The following ZNF683 variants were observed in gnomAD, a reference collection of about 807,000 sequenced individuals.
ZNF683 encodes the protein zinc finger protein 683, also known as tissue-resident T-cell transcription regulator protein ZNF683.
A neutral mutation model predicts 31.4 loss-of-function variants in ZNF683; 20 were observed. That is an observed-to-expected ratio of 0.64 (90% confidence interval 0.45 to 0.93). The LOEUF (loss-of-function observed/expected upper bound fraction) is 0.93. Ranked by LOEUF, ZNF683 falls within the 40% of genes least tolerant of loss-of-function variation. The probability of loss-of-function intolerance (pLI) is 0.00; values close to 1 mark genes in which losing one functional copy is unlikely to be tolerated. For missense variants in ZNF683, 621 were observed against 637.2 expected (o/e 0.97, Z 0.27); for synonymous variants, 264 against 267.6 (o/e 0.99, Z 0.13).
chr1:26,369,315 AG>A (rs2074607795), intron 1 of ZNF683, among the ~76,000 whole-genome samples: 1 of 152,162 alleles, frequency 6.6e-6, no homozygotes, highest in African/African-American at 2.4e-5. Context: ...ACCTGAGGTC[AG>A]GAGTTCGAGA....
chr1:26,361,778 G>C lies in ZNF683; in HGVS notation c.1388C>G (p.Ser463Cys). The change falls in exon 6 of 6, where the codon TCT (serine) becomes TGT (cysteine). Residue 463 changes from serine (S) to cysteine (C), a missense_variant. By Grantham distance (112) the Ser-to-Cys change is moderately radical (BLOSUM62 -1). Transcript: ENST00000349618. The stretch of plus-strand genomic sequence containing the variant: ...TATGTCATAGCCCATGTGTTTCTCA[G>C]ATGCCACCGCCATAAGATCTAGTGC... ...QGALDLMAVA[S>C]EKHMGYDIDE... 6.2e-7 allele frequency: 1 copy of C among 1,614,060 alleles called. No homozygotes were observed. The highest frequency in any genetic ancestry group is 1.1e-5 in the South Asian group (1 of 91,084).
chr1:26,372,385 A>G lies in ZNF683; in HGVS notation c.-15+284T>C, dbSNP rs1396075990. The G allele has an allele frequency of 5.1e-6, 5 of 976,822 alleles. No homozygotes were observed. In the African/African-American group the frequency reaches 6.9e-5, roughly 13 times the overall value. The allele number at this position is 976,822 out of a possible 1,614,324, so 60.5% of individuals were successfully genotyped here. A position where few individuals can be genotyped will look rare whatever the true frequency, so the allele number is the denominator to read the frequency against. On this transcript the variant is annotated intron_variant, in intron 1 of 5. Transcript: ENST00000349618. ...CCAGCCTCTGAAACTTTTCCCCTAC[A>G]TGAGTCTTGAGGGAGGCAAAAGGTA...
At position 26,367,631 on chromosome 1, in the gene ZNF683, G is replaced by A. The variant is rs1212088877; in HGVS notation, c.281C>T (p.Thr94Ile). The change falls in exon 3 of 6, where the codon ACA becomes ATA. Residue 94 changes from threonine (T) to isoleucine (I), a missense_variant. By Grantham distance (89) the Thr-to-Ile change is moderately conservative. Transcript: ENST00000349618. ...LCTPQPAPLG[T>I]DLQGLQEDAL... ...GTCCTCTTGGAGGCCCTGCAGGTCT[G>A]TGCCCAGGGGTGCCGGCTGTGGGGT... The A allele has an allele frequency of 6.2e-7, 1 of 1,611,608 alleles. No individual in the cohort carries two copies. The highest frequency in any genetic ancestry group is 8.5e-7 in the Non-Finnish European group (1 of 1,179,478).
At chr1:26,363,360 A>G (rs1297353177) in intron 4 of ZNF683, among the ~76,000 whole-genome samples, 1 of 152,180 alleles carries the variant, frequency 6.6e-6, no homozygotes, top group Non-Finnish European at 1.5e-5. Context: ...CCCCAGGTAT[A>G]TTGTGGAACA....
At chr1:26,372,346 G>T in intron 1 of ZNF683, 1 of 572,966 alleles carries the variant, frequency 1.7e-6, no homozygotes, top group Non-Finnish European at 2.7e-6. Flanking sequence ...CATCTGTCAG[G>T]TTTTTTTGGA....
Position 26,372,622 on chromosome 1 carries a change from G to A in ZNF683, c.-15+47C>T, listed in dbSNP as rs974570459. The A allele has an allele frequency of 3.8e-6, 5 of 1,304,096 alleles. No individual in the cohort carries two copies. The African/African-American group carries it at 6.1e-5, about 16-fold the overall frequency. The allele number at this position is 1,304,096 out of a possible 1,614,324, so 80.8% of individuals were successfully genotyped here. A position where few individuals can be genotyped will look rare whatever the true frequency, so the allele number is the denominator to read the frequency against. On this transcript the variant is annotated intron_variant, in intron 1 of 5. Coordinates refer to ENST00000349618, the MANE Select transcript of ZNF683 (RefSeq NM_001114759.3). ...AACACCTTGCACAACTTCTCTGTTA[G>A]AAAAAAATAAAAACTACTTCCCCTC... is the stretch of plus-strand genomic sequence containing the variant.
In ZNF683 at chr1:26,367,710, G is replaced by T. The variant is rs769186318; in HGVS notation, c.202C>A (p.Pro68Thr). The T allele has an allele frequency of 1.2e-6, 2 of 1,612,282 alleles. No individual in the cohort carries two copies. Among genetic ancestry groups the T allele is most frequent in the South Asian group, 1.1e-5 (1 of 90,752 alleles). ...CAGGCCAGCAGTGCAGACCTGCCCG[G>T]TGCCAGGGGCAAGGGACACAGCCAG... ...ASWLCPLPLA[P>T]GRSALLACLQ... Residue 68 changes from proline to threonine, a missense_variant, in exon 3 of 6, where the codon CCG becomes ACG. Coordinates refer to ENST00000349618, the MANE Select transcript of ZNF683 (RefSeq NM_001114759.3).
At chr1:26,367,563 C>T (rs764174872) in intron 3 of ZNF683, 30 bp downstream of exon 3, 6 of 1,523,260 alleles carry the variant, frequency 3.9e-6, no homozygotes, top group East Asian at 2.4e-5. Context: ...CTCTGCCAGG[C>T]GCAGGTGCAG....
chr1:26,373,953 C>G (rs2074715060), upstream of ZNF683, among the ~76,000 whole-genome samples: 1 of 152,192 alleles, frequency 6.6e-6, no homozygotes, highest in Non-Finnish European at 1.5e-5. Flanking sequence ...TAGCCAAGAG[C>G]TCTTTAGTGG....
upstream of ZNF683, among the ~76,000 whole-genome samples, chr1:26,373,677 T>G (rs2074711393): frequency 6.6e-6 from 1 of 152,180 alleles, no homozygotes; most frequent in Non-Finnish European, 1.5e-5. Flanking sequence ...TTAAACAAAT[T>G]CCTTCTGCTT....
At chr1:26,363,646 T>C (rs2074440826) in intron 4 of ZNF683, among the ~76,000 whole-genome samples, 2 of 151,282 alleles carry the variant, frequency 1.3e-5, no homozygotes, top group African/African-American at 2.4e-5. Context: ...TGTTTACCCT[T>C]CGTCCCAGCT....
chr1:26,367,121 C>T (rs1015359455), intron 3 of ZNF683, among the ~76,000 whole-genome samples: 28 of 151,894 alleles, frequency 1.8e-4, no homozygotes, highest in Admixed American at 1.6e-3. Context: ...AAAAATTAGC[C>T]GGGGGTGGTG....
In ZNF683 at chr1:26,362,311, T is replaced by C. The variant is rs2074406692; in HGVS notation, c.1144-289A>G. 3.5e-6 allele frequency: 3 copies of C among 849,506 alleles called. No individual in the cohort carries two copies. The Admixed American group carries it at 6.3e-5, about 18-fold the overall frequency. The allele number at this position is 849,506 out of a possible 1,614,324, so 52.6% of individuals were successfully genotyped here. On this transcript the variant is annotated intron_variant, in intron 5 of 5. Transcript: ENST00000349618. Reference sequence around the variant, plus strand: ...TTATTAATACCTAGCTTCATAGATATGGTGGACTGAATGAGATAATCACAT... The same window carrying C: ...TTATTAATACCTAGCTTCATAGATACGGTGGACTGAATGAGATAATCACAT...
chr1:26,365,303 C>A (rs545133649), intron 3 of ZNF683, 77 bp from the exon 4 acceptor site: 2 of 1,429,548 alleles, frequency 1.4e-6, no homozygotes, highest in Admixed American at 2.4e-5. Context: ...CTGCCCTGCT[C>A]GGGGCTGAGA....
chr1:26,374,472 C>T, upstream of ZNF683: 1 of 1,130,008 alleles, frequency 8.8e-7, no homozygotes, highest in Non-Finnish European at 1.1e-6. Context: ...GGACAGACTC[C>T]CTCAGGTTCC....
chr1:26,364,321 A>C (rs1437001837), intron 4 of ZNF683, among the ~76,000 whole-genome samples: 1 of 152,180 alleles, frequency 6.6e-6, no homozygotes, highest in African/African-American at 2.4e-5. Flanking sequence ...AAATGAGACG[A>C]TCTCATAGGC....
In ZNF683 at chr1:26,367,619, C is replaced by G. The variant is rs1308295861; in HGVS notation, c.293G>C (p.Gly98Ala). 1.2e-6 allele frequency: 2 copies of G among 1,609,440 alleles called. No homozygotes were observed. Among genetic ancestry groups the G allele is most frequent in the East Asian group, 4.5e-5 (2 of 44,820 alleles). Reference sequence around the variant, plus strand: ...CATGCTCAAGGCGTCCTCTTGGAGGCCCTGCAGGTCTGTGCCCAGGGGTGC... The same window carrying G: ...CATGCTCAAGGCGTCCTCTTGGAGGGCCTGCAGGTCTGTGCCCAGGGGTGC... The part of the protein sequence containing the change: ...QPAPLGTDLQ[G>A]LQEDALSMKH... Residue 98 changes from glycine (G) to alanine (A), a missense_variant, in exon 3 of 6, where the codon GGC becomes GCC. Physicochemically the swap from Gly to Ala is moderately conservative, Grantham distance 60. Transcript: ENST00000349618.
intron 3 of ZNF683, among the ~76,000 whole-genome samples, chr1:26,365,733 T>TA (rs1306193390): frequency 2.0e-5 from 3 of 152,156 alleles, no homozygotes; most frequent in Non-Finnish European, 4.4e-5. Flanking sequence ...AGTACTAAAA[T>TA]AAAAAACCTG....
At chr1:26,369,513 C>T (rs2074613513) in intron 1 of ZNF683, among the ~76,000 whole-genome samples, 1 of 146,904 alleles carries the variant, frequency 6.8e-6, no homozygotes, top group South Asian at 2.1e-4. Context: ...ACCAAAACTA[C>T]ATAAATTAGC....
Sources: allele counts gnomAD v4.1 joint callset (sites outside exome capture counted in the v4.1 genomes callset), GRCh38; gene constraint gnomAD v4.1.1; transcripts MANE v1.5; gene names NCBI Gene and HGNC (gene_info 2026-07-23, HGNC 2026-07-21).